GPRIN2: variants seen among roughly 807,000 people sequenced by gnomAD.
The protein encoded by GPRIN2 is G protein-regulated inducer of neurite outgrowth 2.
A neutral mutation model predicts 0.3 loss-of-function variants in GPRIN2; 1 was observed. That is an observed-to-expected ratio of 3.90 (90% CI 1.39 to 18.51). The LOEUF is 18.51. Among genes scored for constraint, GPRIN2 ranks in the 30% most tolerant of loss-of-function variants. The pLI is 0.11. For missense variants in GPRIN2, 880 were observed against 604.2 expected (o/e 1.46, Z -4.79); for synonymous variants, 361 against 258.6 (o/e 1.40, Z -3.80).
chr10:46,556,471 C>A (rs1177141415), intron 1 of GPRIN2, among the ~76,000 whole-genome samples, 27 bp downstream of exon 1: 1 of 152,272 alleles, frequency 6.6e-6, no homozygotes, highest in African/African-American at 2.4e-5. Flanking sequence ...CCCGCCCCAA[C>A]GGGAGCGCGC....
Position 46,550,127 on chromosome 10 carries a change from T to C in GPRIN2, c.610A>G (p.Thr204Ala). The C allele has an allele frequency of 6.2e-7, 1 of 1,608,312 alleles. No individual in the cohort carries two copies. The highest frequency in any genetic ancestry group is 8.5e-7 in the Non-Finnish European group (1 of 1,176,750). Residue 204 changes from threonine (T) to alanine (A), a missense_variant, in exon 3 of 3, where the codon ACA becomes GCA. By Grantham distance (58) the Thr-to-Ala change is moderately conservative. Coordinates refer to ENST00000374314, the MANE Select transcript of GPRIN2 (RefSeq NM_001385282.1). ...LSVPPLDLGD[T>A]TAHSSSAQAE... Reference sequence around the variant, plus strand: ...TGGGCACTGCTGCTGTGGGCAGTTGTGTCCCCCAGGTCTAGTGGTGGCACT... The same window carrying C: ...TGGGCACTGCTGCTGTGGGCAGTTGCGTCCCCCAGGTCTAGTGGTGGCACT...
At position 46,550,116 on chromosome 10, in the gene GPRIN2, G is replaced by C. The variant is rs761176017; in HGVS notation, c.621C>G (p.His207Gln). ...TGGGCTCAGCCTGGGCACTGCTGCTGTGGGCAGTTGTGTCCCCCAGGTCTA... is the reference window on the plus strand; with the variant it reads ...TGGGCTCAGCCTGGGCACTGCTGCTCTGGGCAGTTGTGTCCCCCAGGTCTA... ...PPLDLGDTTA[H>Q]SSSAQAEPKA... The change falls in exon 3 of 3, where the codon CAC becomes CAG. Residue 207 changes from histidine to glutamine, a missense_variant. Physicochemically the swap from His to Gln is conservative, Grantham distance 24. Transcript: ENST00000374314. 6.2e-7 allele frequency: 1 copy of C among 1,609,550 alleles called. No individual in the cohort carries two copies. Among genetic ancestry groups the C allele is most frequent in the African/African-American group, 1.3e-5 (1 of 75,024 alleles).
Position 46,544,839 on chromosome 10 carries a change from T to C in GPRIN2, c.*4521A>G, listed in dbSNP as rs1842017382. ...AGATCTGGATCTTAACAGATCAGAC[T>C]TAAACTAATTTGCCCATGATGACCG... On this transcript the variant is annotated 3_prime_UTR_variant, in exon 3 of 3. Coordinates refer to ENST00000374314, the MANE Select transcript of GPRIN2 (RefSeq NM_001385282.1). 1.3e-5 allele frequency among the ~76,000 whole-genome samples: 2 copies of C among 152,426 alleles called. No homozygotes were observed. The highest frequency in any genetic ancestry group is 4.1e-4 in the South Asian group (2 of 4,832).
chr10:46,557,046 C>T (rs1831764427), upstream of GPRIN2, among the ~76,000 whole-genome samples: 2 of 144,024 alleles, frequency 1.4e-5, no homozygotes, highest in South Asian at 2.5e-4. Flanking sequence ...GCTCCAGTTC[C>T]CCCTCCGCAC....
rs1241138735 is a variant in GPRIN2 at position 46,545,635 on chromosome 10, G to A, written c.*3725C>T. On this transcript the variant is annotated 3_prime_UTR_variant, in exon 3 of 3. Transcript: ENST00000374314. ...GCAAAGCTGTGGGGCGAGGAACCTGGAAAGAGGCTCTGAACAAGGGACTTT... is the reference window on the plus strand; with the variant it reads ...GCAAAGCTGTGGGGCGAGGAACCTGAAAAGAGGCTCTGAACAAGGGACTTT... 6.6e-6 allele frequency among the ~76,000 whole-genome samples: 1 copy of A among 152,304 alleles called. No homozygotes were observed. The highest frequency in any genetic ancestry group is 1.9e-4 in the East Asian group (1 of 5,200).
In GPRIN2 at chr10:46,545,627, G is replaced by C. The variant is rs1386900573; in HGVS notation, c.*3733C>G. ...GGCAGGGTGCAAAGCTGTGGGGCGA[G>C]GAACCTGGAAAGAGGCTCTGAACAA... On this transcript the variant is annotated 3_prime_UTR_variant, in exon 3 of 3. Transcript: ENST00000374314. Among the ~76,000 whole-genome samples the C allele has an allele frequency of 6.6e-6, 1 of 152,304 alleles. No individual in the cohort carries two copies. The highest frequency in any genetic ancestry group is 1.5e-5 in the Non-Finnish European group (1 of 68,058).
Position 46,545,358 on chromosome 10 carries a change from C to T in GPRIN2, c.*4002G>A, listed in dbSNP as rs1838196808. On this transcript the variant is annotated 3_prime_UTR_variant, in exon 3 of 3. Coordinates refer to ENST00000374314, the MANE Select transcript of GPRIN2 (RefSeq NM_001385282.1). The stretch of plus-strand genomic sequence containing the variant: ...CATCTTCACCCCTGGGTAGTCCTTA[C>T]TCTGAGGTGGGACTGCATCCAGGGC... 0.023 allele frequency among the ~76,000 whole-genome samples: 3,492 copies of T among 150,264 alleles called. No individual in the cohort carries two copies. The highest frequency in any genetic ancestry group is 0.084 in the African/African-American group (3,312 of 39,570).
Position 46,543,783 on chromosome 10 carries a change from GC to G in GPRIN2, c.*5576del, listed in dbSNP as rs1272909044. Among the ~76,000 whole-genome samples, 1 of 152,306 alleles carries G rather than the reference GC, an allele frequency of 6.6e-6. No individual in the cohort carries two copies. The highest frequency in any genetic ancestry group is 2.4e-5 in the African/African-American group (1 of 41,488). The stretch of plus-strand genomic sequence containing the variant: ...CCACTTGGGGAGCTCGTATTTTGGG[GC>G]CAGACCTTCCTCCTTGCTGGGCTAT... On this transcript the variant is annotated 3_prime_UTR_variant, in exon 3 of 3. Coordinates refer to ENST00000374314, the MANE Select transcript of GPRIN2 (RefSeq NM_001385282.1).
At chr10:46,550,856 G>C in intron 2 of GPRIN2, 114 bp from the exon 3 acceptor site, 5 of 1,229,212 alleles carry the variant, frequency 4.1e-6, no homozygotes, top group Non-Finnish European at 5.5e-6. Flanking sequence ...TTCAGTCCCA[G>C]CCTGCCTGAC....
chr10:46,550,275 A>C lies in GPRIN2; in HGVS notation c.462T>G (p.Ala154=), dbSNP rs1555019506. Residue 154 remains alanine, a synonymous_variant, in exon 3 of 3, where the codon GCT becomes GCG. Transcript: ENST00000374314. ...CAGAAGTACCACCTGGCTGCAGCTG[A>C]GCCCTGTGGACAGGGCTGCTGCCAA... is the stretch of plus-strand genomic sequence containing the variant. The part of the protein sequence containing the change: ...SALGSSPVHR[A]QLQPGGTSGQ... 4 of 1,612,416 alleles carry C rather than the reference A, an allele frequency of 2.5e-6. No individual in the cohort carries two copies. The highest frequency in any genetic ancestry group is 1.3e-5 in the African/African-American group (1 of 74,960).
chr10:46,557,386 C>T (rs1418002538), upstream of GPRIN2, among the ~76,000 whole-genome samples: 2 of 152,272 alleles, frequency 1.3e-5, no homozygotes, highest in Non-Finnish European at 2.9e-5. Flanking sequence ...GCCTGGTAGA[C>T]TCCTTCCCTA....
chr10:46,551,736 C>G (rs1458213790), intron 2 of GPRIN2, among the ~76,000 whole-genome samples: 1 of 152,308 alleles, frequency 6.6e-6, no homozygotes, highest in African/African-American at 2.4e-5. Flanking sequence ...AAAGACCACC[C>G]TGGACCTGGC....
At position 46,547,707 on chromosome 10, in the gene GPRIN2, C is replaced by T. The variant is rs1832838109; in HGVS notation, c.*1653G>A. Among the ~76,000 whole-genome samples the T allele has an allele frequency of 6.6e-6, 1 of 152,312 alleles. No individual in the cohort carries two copies. Among genetic ancestry groups the T allele is most frequent in the East Asian group, 1.9e-4 (1 of 5,208 alleles). On this transcript the variant is annotated 3_prime_UTR_variant, in exon 3 of 3. Transcript: ENST00000374314. ...CCTGGAGACTCCATGGGGAGCCAGGCATGAAGATGGCATATACCCATGTGT... is the reference window on the plus strand; with the variant it reads ...CCTGGAGACTCCATGGGGAGCCAGGTATGAAGATGGCATATACCCATGTGT...
rs1181976679 is a variant in GPRIN2 at position 46,549,844 on chromosome 10, C to T, written c.893G>A (p.Gly298Asp). 1 of 1,614,238 alleles carries T rather than the reference C, an allele frequency of 6.2e-7. No homozygotes were observed. The highest frequency in any genetic ancestry group is 8.5e-7 in the Non-Finnish European group (1 of 1,180,060). Residue 298 changes from glycine to aspartate, a missense_variant, in exon 3 of 3, where the codon GGT becomes GAT. Gly to Asp is a moderately conservative substitution (Grantham distance 94, BLOSUM62 -1). Coordinates refer to ENST00000374314, the MANE Select transcript of GPRIN2 (RefSeq NM_001385282.1). ...AGGCTCTGGGACTAACCCAGCGGGACCCCAAAGGTGGGCACAGCAATGGGA... is the reference window on the plus strand; with the variant it reads ...AGGCTCTGGGACTAACCCAGCGGGATCCCAAAGGTGGGCACAGCAATGGGA... The part of the protein sequence containing the change: ...GHSHCCAHLW[G>D]PAGLVPEPGS...
In GPRIN2 at chr10:46,542,184, G is replaced by A. The variant is rs1841815165; in HGVS notation, c.*7176C>T. Among the ~76,000 whole-genome samples the A allele has an allele frequency of 1.3e-5, 2 of 152,306 alleles. No homozygotes were observed. Among genetic ancestry groups the A allele is most frequent in the African/African-American group, 2.4e-5 (1 of 41,488 alleles). The stretch of plus-strand genomic sequence containing the variant: ...GCCAGGCAGAAGGCTGCAGGGCAGG[G>A]GCCAGGTGGGCAGCAACAGGGAACA... On this transcript the variant is annotated 3_prime_UTR_variant, in exon 3 of 3. Transcript: ENST00000374314.
rs1465977097 is a variant in GPRIN2 at position 46,548,374 on chromosome 10, C to T, written c.*986G>A. 6.6e-6 allele frequency among the ~76,000 whole-genome samples: 1 copy of T among 152,306 alleles called. No individual in the cohort carries two copies. The highest frequency in any genetic ancestry group is 1.5e-5 in the Non-Finnish European group (1 of 68,054). On this transcript the variant is annotated 3_prime_UTR_variant, in exon 3 of 3. Transcript: ENST00000374314. ...GCCAGGGCAAACTCCTGCCCTGTCC[C>T]CCTCCATTCCTGCCCTCCCTCCTTC...
chr10:46,544,081 T>C lies in GPRIN2; in HGVS notation c.*5279A>G, dbSNP rs1340431058. The stretch of plus-strand genomic sequence containing the variant: ...CAATCAGGGAGGTCCCCAGCCAGCT[T>C]TGGAAAGACACCCATCAAAAAGAGT... On this transcript the variant is annotated 3_prime_UTR_variant, in exon 3 of 3. Coordinates refer to ENST00000374314, the MANE Select transcript of GPRIN2 (RefSeq NM_001385282.1). Among the ~76,000 whole-genome samples, 3 of 152,306 alleles carry C rather than the reference T, an allele frequency of 2.0e-5. No individual in the cohort carries two copies. The highest frequency in any genetic ancestry group is 2.9e-5 in the Non-Finnish European group (2 of 68,056).
chr10:46,546,027 T>C lies in GPRIN2; in HGVS notation c.*3333A>G, dbSNP rs1842127524. Among the ~76,000 whole-genome samples, 1 of 152,306 alleles carries C rather than the reference T, an allele frequency of 6.6e-6. No homozygotes were observed. The highest frequency in any genetic ancestry group is 1.5e-5 in the Non-Finnish European group (1 of 68,054). ...GTGTAGAAGACCCCTTCAGCCCTTG[T>C]AAAGTTAGGATCTAGCATGTCTAAG... is the stretch of plus-strand genomic sequence containing the variant. On this transcript the variant is annotated 3_prime_UTR_variant, in exon 3 of 3. Transcript: ENST00000374314.
Position 46,549,109 on chromosome 10 carries a change from CCT to C in GPRIN2, c.*249_*250del. On this transcript the variant is annotated 3_prime_UTR_variant, in exon 3 of 3. Coordinates refer to ENST00000374314, the MANE Select transcript of GPRIN2 (RefSeq NM_001385282.1). ...TCTCCCCTCTGCACAGTGCTAAAGC[CCT>C]GTCTCAAAGTTCAGAGCCCGGAAGG... 2.2e-6 allele frequency: 1 copy of C among 460,184 alleles called. No homozygotes were observed. Among genetic ancestry groups the C allele is most frequent in the Non-Finnish European group, 3.9e-6 (1 of 259,498 alleles). The allele number at this position is 460,184 out of a possible 1,614,324, so 28.5% of individuals were successfully genotyped here.
Sources: allele counts gnomAD v4.1 joint callset (sites outside exome capture counted in the v4.1 genomes callset), GRCh38; gene constraint gnomAD v4.1.1; transcripts MANE v1.5; gene names NCBI Gene and HGNC (gene_info 2026-07-23, HGNC 2026-07-21).